TESK2: variants seen among roughly 807,000 people sequenced by gnomAD.
TESK2 encodes dual specificity testis-specific protein kinase 2.
A neutral mutation model predicts 57.1 loss-of-function variants in TESK2; 39 were observed. The ratio of observed to expected loss-of-function variants is 0.68; its 90% CI spans 0.53 to 0.89. TESK2 has a LOEUF of 0.89. TESK2 is among the 40% of genes least tolerant of loss of function. The probability of loss-of-function intolerance (pLI) is 0.00; values close to 1 mark genes in which losing one functional copy is unlikely to be tolerated. For synonymous variants in TESK2, 249 were observed against 267.9 expected, an observed-to-expected ratio of 0.93 and a Z score of 0.69; for missense variants, 646 against 732.1, an observed-to-expected ratio of 0.88 and a Z score of 1.36.
Position 45,474,787 on chromosome 1 carries a change from T to C in TESK2, c.-87+16065A>G, listed in dbSNP as rs536528980. The stretch of plus-strand genomic sequence containing the variant: ...GCCACCACACCTGGCCTCCATCTCT[T>C]TTTTTTTTTTTAATGCAGTTTCTGA... On this transcript the variant is annotated intron_variant, in intron 1 of 10. Transcript: ENST00000372086. Among the ~76,000 whole-genome samples the C allele has an allele frequency of 2.4e-4, 35 of 145,206 alleles. No individual in the cohort carries two copies. In the South Asian group the frequency reaches 6.0e-3, roughly 25 times the overall value.
chr1:45,357,849 T>C (rs1276588332), intron 4 of TESK2, among the ~76,000 whole-genome samples: 2 of 150,274 alleles, frequency 1.3e-5, no homozygotes, highest in Non-Finnish European at 3.0e-5. Flanking sequence ...CTACTAAAAA[T>C]ACAAAATTAG....
intron 4 of TESK2, among the ~76,000 whole-genome samples, chr1:45,363,575 C>T (rs991341441): frequency 1.3e-5 from 2 of 152,232 alleles, no homozygotes; most frequent in Non-Finnish European, 2.9e-5. Context: ...TATCCTTCCC[C>T]TTTCCCCACC....
At chr1:45,347,382 A>G (rs1647159841) in intron 7 of TESK2, among the ~76,000 whole-genome samples, 1 of 152,128 alleles carries the variant, frequency 6.6e-6, no homozygotes, top group Non-Finnish European at 1.5e-5. Flanking sequence ...CCTGGCCAAT[A>G]TGGTGAAACC....
intron 2 of TESK2, among the ~76,000 whole-genome samples, chr1:45,450,149 G>A (rs1011735276): frequency 1.7e-4 from 26 of 152,130 alleles, no homozygotes; most frequent in African/African-American, 5.3e-4. Flanking sequence ...GATAAATTCC[G>A]AATGGATCAA....
intron 2 of TESK2, among the ~76,000 whole-genome samples, chr1:45,423,894 G>A (rs1032106930): frequency 1.3e-5 from 2 of 152,122 alleles, no homozygotes; most frequent in Non-Finnish European, 2.9e-5. Context: ...TGTAAATGTG[G>A]TCTCATTGGT....
intron 3 of TESK2, chr1:45,415,402 A>G (rs1015060945): frequency 7.6e-6 from 6 of 792,170 alleles, no homozygotes; most frequent in Non-Finnish European, 1.3e-5. Context: ...GGCTCAGGAG[A>G]GCACTCCTCC....
intron 5 of TESK2, among the ~76,000 whole-genome samples, chr1:45,352,600 T>C (rs903411721): frequency 4.6e-5 from 7 of 152,210 alleles, no homozygotes; most frequent in Non-Finnish European, 1.0e-4. Context: ...TTGTCGTCTA[T>C]GTAGCTAAAC....
intron 4 of TESK2, among the ~76,000 whole-genome samples, chr1:45,370,475 G>A (rs761080157): frequency 4.0e-5 from 6 of 151,828 alleles, no homozygotes; most frequent in South Asian, 2.1e-4. Flanking sequence ...TAAAACAATC[G>A]TTGCCCTCAA....
intron 4 of TESK2, among the ~76,000 whole-genome samples, chr1:45,363,077 A>T (rs1349951435): frequency 6.6e-6 from 1 of 152,246 alleles, no homozygotes; most frequent in East Asian, 1.9e-4. Flanking sequence ...CATTAGAGGT[A>T]GAATCAGCAA....
intron 1 of TESK2, among the ~76,000 whole-genome samples, chr1:45,470,953 C>A (rs561254187): frequency 1.3e-5 from 2 of 152,326 alleles, no homozygotes; most frequent in South Asian, 4.1e-4. Flanking sequence ...TGGTAGAAGG[C>A]TGAGCACAGA....
chr1:45,423,870 G>C (rs1199726288), intron 2 of TESK2, among the ~76,000 whole-genome samples: 1 of 152,152 alleles, frequency 6.6e-6, no homozygotes, highest in Non-Finnish European at 1.5e-5. Flanking sequence ...ACTTGAGAAA[G>C]ATTGTTTTCA....
At chr1:45,424,779 TG>T (rs1650621784) in intron 2 of TESK2, among the ~76,000 whole-genome samples, 2 of 152,174 alleles carry the variant, frequency 1.3e-5, no homozygotes, top group Admixed American at 1.3e-4. Context: ...AATCAATCAA[TG>T]TGATACATTA....
intron 2 of TESK2, among the ~76,000 whole-genome samples, chr1:45,452,693 C>T (rs748734807): frequency 6.6e-6 from 1 of 151,556 alleles, no homozygotes; most frequent in Non-Finnish European, 1.5e-5. Flanking sequence ...TGCAGGAGGA[C>T]TGACCAGGCC....
intron 3 of TESK2, among the ~76,000 whole-genome samples, chr1:45,389,283 C>T (rs1258432896): frequency 6.6e-6 from 1 of 152,138 alleles, no homozygotes; most frequent in Non-Finnish European, 1.5e-5. Context: ...TGTGGTCACA[C>T]ACTTTTGTGG....
Position 45,367,840 on chromosome 1 carries a change from G to T in TESK2, c.394-12391C>A, listed in dbSNP as rs370006949. ...GCCCAGCTAATTTTTTGTATTTTTA[G>T]TAGAGACGGGGTTTCACCATGTTGG... On this transcript the variant is annotated intron_variant, in intron 4 of 10. Coordinates refer to ENST00000372086, the MANE Select transcript of TESK2 (RefSeq NM_007170.3). Among the ~76,000 whole-genome samples the T allele has an allele frequency of 9.0e-4, 131 of 146,192 alleles. 3 individuals are homozygous for T. The South Asian group carries it at 0.027, about 31-fold the overall frequency.
chr1:45,384,366 T>C lies in TESK2; in HGVS notation c.393+1546A>G, dbSNP rs112008843. ...ATGTATGTATGTATGTACGTACGTATCTATCTATCTATCTATCTATCTGTC... is the reference window on the plus strand; with the variant it reads ...ATGTATGTATGTATGTACGTACGTACCTATCTATCTATCTATCTATCTGTC... On this transcript the variant is annotated intron_variant, in intron 4 of 10. Coordinates refer to ENST00000372086, the MANE Select transcript of TESK2 (RefSeq NM_007170.3). Among the ~76,000 whole-genome samples the C allele has an allele frequency of 5.3e-3, 721 of 135,198 alleles. 6 individuals carry two copies. The highest frequency in any genetic ancestry group is 0.019 in the African/African-American group (683 of 35,300). 88.7% of individuals were successfully genotyped at this position (135,198 alleles called of 152,430 possible). A position where few individuals can be genotyped will look rare whatever the true frequency, so the allele number is the denominator to read the frequency against.
At chr1:45,386,711 T>C (rs1370639900) in intron 3 of TESK2, among the ~76,000 whole-genome samples, 1 of 151,966 alleles carries the variant, frequency 6.6e-6, no homozygotes, top group Non-Finnish European at 1.5e-5. Flanking sequence ...TGGAGTACAG[T>C]GGCATGATCT....
At chr1:45,438,454 C>G (rs577272728) in intron 2 of TESK2, among the ~76,000 whole-genome samples, 1 of 152,286 alleles carries the variant, frequency 6.6e-6, no homozygotes, top group African/African-American at 2.4e-5. Context: ...TGACACGGTG[C>G]CACTGTACTC....
intron 2 of TESK2, among the ~76,000 whole-genome samples, chr1:45,439,312 C>A (rs754962253): frequency 6.6e-6 from 1 of 152,116 alleles, no homozygotes; most frequent in Non-Finnish European, 1.5e-5. Flanking sequence ...GATACTAGCT[C>A]TTTTAGTTTC....
Sources: allele counts gnomAD v4.1 joint callset (sites outside exome capture counted in the v4.1 genomes callset), GRCh38; gene constraint gnomAD v4.1.1; transcripts MANE v1.5; gene names NCBI Gene and HGNC (gene_info 2026-07-23, HGNC 2026-07-21).